SLC35E3: variants seen among roughly 807,000 people sequenced by gnomAD.
SLC35E3 encodes the protein solute carrier family 35 member E3.
A neutral mutation model predicts 30.8 loss-of-function variants in SLC35E3; 28 were observed. The observed-to-expected ratio is 0.91, with a 90% CI of 0.67 to 1.25. The LOEUF is 1.25. Among genes scored for constraint, SLC35E3 ranks in the 50% most tolerant of loss-of-function variants. SLC35E3 has a pLI of 0.00. For missense variants in SLC35E3, 365 were observed against 375.4 expected, an observed-to-expected ratio of 0.97 and a Z score of 0.23; for synonymous variants, 146 against 149.2, an observed-to-expected ratio of 0.98 and a Z score of 0.16.
Position 68,747,940 on chromosome 12 carries a change from CTT to C in SLC35E3, c.415_416del (p.Leu139ArgfsTer13). 1 of 1,557,448 alleles carries C rather than the reference CTT, an allele frequency of 6.4e-7. No homozygotes were observed. The highest frequency in any genetic ancestry group is 8.8e-7 in the Non-Finnish European group (1 of 1,130,196). ...TCTTTTTCGTTACAGATTCCTATAA[CTT>C]TAGGTGTAATCCTAAATTCTTATTA... On this transcript the variant is annotated frameshift_variant, in exon 2 of 5. Transcript: ENST00000398004. LOFTEE classifies it high-confidence loss of function.
In SLC35E3 at chr12:68,770,841, AC is replaced by A. The variant is rs1248980430; in HGVS notation, c.*5952del. The A allele has an allele frequency of 3.2e-5, 5 of 155,528 alleles. No individual in the cohort carries two copies. The highest frequency in any genetic ancestry group is 7.1e-5 in the Non-Finnish European group (5 of 70,314). 9.6% of individuals were successfully genotyped at this position (155,528 alleles called of 1,614,324 possible). A position where few individuals can be genotyped will look rare whatever the true frequency, so the allele number is the denominator to read the frequency against. ...AGAGTGAGTCCCTGTCTCAACAACA[AC>A]AAAAAATCACACATGTCTGATTTGC... is the stretch of plus-strand genomic sequence containing the variant. On this transcript the variant is annotated 3_prime_UTR_variant, in exon 5 of 5. Transcript: ENST00000398004.
chr12:68,762,762 CTA>C (rs1383700493), intron 4 of SLC35E3, among the ~76,000 whole-genome samples: 5 of 152,198 alleles, frequency 3.3e-5, no homozygotes, highest in Admixed American at 2.6e-4. Context: ...AACATTATGA[CTA>C]TTGCCAACAA....
chr12:68,756,591 C>T (rs558075910), intron 3 of SLC35E3, among the ~76,000 whole-genome samples: 7 of 151,994 alleles, frequency 4.6e-5, no homozygotes, highest in Non-Finnish European at 7.4e-5. Context: ...AATCTAATGA[C>T]GTATCAAAAA....
chr12:68,759,915 A>AATTGATAAGTT, intron 4 of SLC35E3: 1 of 152,400 alleles, frequency 6.6e-6, no homozygotes. Context: ...ATTTCTAGTA[A>AATTGATAAGTT]CAAAGTAGAG....
rs1369611611 is a variant in SLC35E3 at position 68,768,445 on chromosome 12, T to TGA, written c.*3555_*3556insGA. ...TGAATAAAATAAGTACTGCTAAAACTTGAGTCTGATAAACTTTTTTGCCCC... is the reference window on the plus strand; with the variant it reads ...TGAATAAAATAAGTACTGCTAAAACTGATGAGTCTGATAAACTTTTTTGCCCC... On this transcript the variant is annotated 3_prime_UTR_variant, in exon 5 of 5. Coordinates refer to ENST00000398004, the MANE Select transcript of SLC35E3 (RefSeq NM_018656.5). The TGA allele has an allele frequency of 1.3e-5, 2 of 152,086 alleles. No homozygotes were observed. The highest frequency in any genetic ancestry group is 4.8e-5 in the African/African-American group (2 of 41,408). The allele number at this position is 152,086 out of a possible 1,614,324, so 9.4% of individuals were successfully genotyped here. A position where few individuals can be genotyped will look rare whatever the true frequency, so the allele number is the denominator to read the frequency against.
rs1310375684 is a variant in SLC35E3, at chr12:68,770,231, T to C, written c.*5341T>C. 1 of 152,354 alleles carries C rather than the reference T, an allele frequency of 6.6e-6. No homozygotes were observed. Among genetic ancestry groups the C allele is most frequent in the East Asian group, 1.9e-4 (1 of 5,186 alleles). 9.4% of individuals were successfully genotyped at this position (152,354 alleles called of 1,614,324 possible). On this transcript the variant is annotated 3_prime_UTR_variant, in exon 5 of 5. Transcript: ENST00000398004. ...GACTAAATTTGGGAGTGGGGAGACATGGTGTGTCCTGCACCTGGAAATGTA... is the reference window on the plus strand; with the variant it reads ...GACTAAATTTGGGAGTGGGGAGACACGGTGTGTCCTGCACCTGGAAATGTA...
rs539835423 is a variant in SLC35E3, at chr12:68,778,295, G to C, written c.*13405G>C. The C allele has an allele frequency of 2.0e-5, 3 of 152,068 alleles. No homozygotes were observed. The highest frequency in any genetic ancestry group is 2.9e-5 in the Non-Finnish European group (2 of 68,004). The allele number at this position is 152,068 out of a possible 1,614,324, so 9.4% of individuals were successfully genotyped here. On this transcript the variant is annotated 3_prime_UTR_variant, in exon 5 of 5. Transcript: ENST00000398004. ...CAGCATGAAAATTAAAAGGAAAATT[G>C]AGATTTTAAATACTTCTAATAGAGG...
intron 3 of SLC35E3, among the ~76,000 whole-genome samples, chr12:68,756,440 CTTT>C (rs61603177): frequency 3.5e-5 from 5 of 143,884 alleles, no homozygotes; most frequent in Non-Finnish European, 1.5e-5. Context: ...GTCAACTCAA[CTTT>C]TTTTTTTTTT....
chr12:68,761,374 C>T (rs184680159), intron 4 of SLC35E3, among the ~76,000 whole-genome samples: 1 of 152,188 alleles, frequency 6.6e-6, no homozygotes, highest in East Asian at 1.9e-4. Flanking sequence ...ATAGTAAGAC[C>T]CTGTCTCTAC....
In SLC35E3 at chr12:68,746,549, T is replaced by G. The variant is rs772040874; in HGVS notation, c.172T>G (p.Leu58Val). The G allele has an allele frequency of 3.7e-6, 6 of 1,614,270 alleles. No homozygotes were observed. Among genetic ancestry groups the G allele is most frequent in the South Asian group, 3.3e-5 (3 of 91,090 alleles). The change falls in exon 1 of 5, where the codon TTG (leucine) becomes GTG (valine). Residue 58 changes from leucine (L) to valine (V), a missense_variant. Leu to Val is a conservative substitution (Grantham distance 32). Coordinates refer to ENST00000398004, the MANE Select transcript of SLC35E3 (RefSeq NM_018656.5). ...LVHFVVTWLG[L>V]YICQKLDIFA... ...GCACTTCGTGGTCACCTGGCTGGGCTTGTATATCTGCCAGAAGCTGGACAT... is the reference window on the plus strand; with the variant it reads ...GCACTTCGTGGTCACCTGGCTGGGCGTGTATATCTGCCAGAAGCTGGACAT...
chr12:68,746,457 G>C lies in SLC35E3; in HGVS notation c.80G>C (p.Cys27Ser). ...GLLFNLLVSICIVFLNKWIYV... is the reference protein window; with the variant it reads ...GLLFNLLVSISIVFLNKWIYV... ...CTGTTCAACCTGCTGGTGTCCATCT[G>C]CATTGTGTTCCTCAACAAATGGATT... The change falls in exon 1 of 5, where the codon TGC becomes TCC. Residue 27 changes from cysteine to serine, a missense_variant. Physicochemically the swap from Cys to Ser is moderately radical, Grantham distance 112. Transcript: ENST00000398004. The C allele has an allele frequency of 6.2e-7, 1 of 1,614,154 alleles. No individual in the cohort carries two copies. The highest frequency in any genetic ancestry group is 8.5e-7 in the Non-Finnish European group (1 of 1,180,000).
rs71091557 is a variant in SLC35E3 at position 68,774,766 on chromosome 12, C to CA, written c.*9888dup. ...AACAAACAAAACAAACAAAAATAAGCAAAAAAAAAAAAGTGTTGAGCAGCT... is the reference window on the plus strand; with the variant it reads ...AACAAACAAAACAAACAAAAATAAGCAAAAAAAAAAAAAGTGTTGAGCAGCT... On this transcript the variant is annotated 3_prime_UTR_variant, in exon 5 of 5. Transcript: ENST00000398004. 108,901 of 122,408 alleles carry CA rather than the reference C, an allele frequency of 0.89. 48,441 individuals are homozygous for CA. Among genetic ancestry groups the CA allele is most frequent in the East Asian group, 0.98 (4,080 of 4,162 alleles). The allele number at this position is 122,408 out of a possible 1,614,324, so 7.6% of individuals were successfully genotyped here.
rs1027249607 is a variant in SLC35E3, at chr12:68,768,248, C to G, written c.*3358C>G. On this transcript the variant is annotated 3_prime_UTR_variant, in exon 5 of 5. Transcript: ENST00000398004. Reference sequence around the variant, plus strand: ...AGGTTGCAGTGAGCCGAGACTGCGCCATTGCACACCAGCCTGGGTGACGAG... The same window carrying G: ...AGGTTGCAGTGAGCCGAGACTGCGCGATTGCACACCAGCCTGGGTGACGAG... 6.6e-6 allele frequency: 1 copy of G among 151,784 alleles called. No homozygotes were observed. 9.4% of individuals were successfully genotyped at this position (151,784 alleles called of 1,614,324 possible).
intron 3 of SLC35E3, among the ~76,000 whole-genome samples, chr12:68,757,009 C>T (rs1303670525): frequency 6.6e-6 from 1 of 151,968 alleles, no homozygotes; most frequent in Non-Finnish European, 1.5e-5. Context: ...AGTGAGACTC[C>T]AAATAAATAA....
At chr12:68,757,495 A>G (rs901428007) in intron 3 of SLC35E3, among the ~76,000 whole-genome samples, 3 of 152,234 alleles carry the variant, frequency 2.0e-5, no homozygotes, top group Non-Finnish European at 2.9e-5. Context: ...ATGTGTATAT[A>G]GTGGTCCAAC....
At chr12:68,763,059 T>C (rs1180375763) in intron 4 of SLC35E3, among the ~76,000 whole-genome samples, 1 of 152,170 alleles carries the variant, frequency 6.6e-6, no homozygotes, top group African/African-American at 2.4e-5. Flanking sequence ...GTGGTTGTAT[T>C]TGAGAGAATG....
Position 68,766,838 on chromosome 12 carries a change from G to A in SLC35E3, c.*1948G>A, listed in dbSNP as rs1305461824. The A allele has an allele frequency of 2.3e-6, 1 of 440,278 alleles. No homozygotes were observed. The highest frequency in any genetic ancestry group is 4.6e-6 in the Non-Finnish European group (1 of 219,534). 27.3% of individuals were successfully genotyped at this position (440,278 alleles called of 1,614,324 possible). ...GAGCTCAAGCCATCTGTCTGCCTCA[G>A]CCTCTCGAAGTGCTGGGATTACAGG... is the stretch of plus-strand genomic sequence containing the variant. On this transcript the variant is annotated 3_prime_UTR_variant, in exon 5 of 5. Transcript: ENST00000398004.
intron 2 of SLC35E3, among the ~76,000 whole-genome samples, chr12:68,748,359 C>T (rs1878673489): frequency 6.6e-6 from 1 of 152,068 alleles, no homozygotes; most frequent in African/African-American, 2.4e-5. Flanking sequence ...GTTATGTTTT[C>T]TGTTTACTCT....
rs545887459 is a variant in SLC35E3 at position 68,768,940 on chromosome 12, A to T, written c.*4050A>T. The T allele has an allele frequency of 6.0e-4, 91 of 152,348 alleles. No homozygotes were observed. Among genetic ancestry groups the T allele is most frequent in the African/African-American group, 2.1e-3 (88 of 41,584 alleles). 9.4% of individuals were successfully genotyped at this position (152,348 alleles called of 1,614,324 possible). ...CCTATTAATGACTTTTTGAAATTGT[A>T]TTTCAAAGCAGAAACATTAGGTTGG... is the stretch of plus-strand genomic sequence containing the variant. On this transcript the variant is annotated 3_prime_UTR_variant, in exon 5 of 5. Transcript: ENST00000398004.
Sources: gnomAD v4.1 joint callset for allele counts (sites outside exome capture counted in the v4.1 genomes callset) on GRCh38, gnomAD v4.1.1 for gene constraint, MANE v1.5 for transcripts, NCBI Gene and HGNC (gene_info 2026-07-23, HGNC 2026-07-21) for gene names.